Variants in AMER3 observed in about 807,000 individuals in gnomAD.
AMER3 encodes the protein APC membrane recruitment protein 3.
For synonymous variants in AMER3, 541 were observed against 485.5 expected, an observed-to-expected ratio of 1.11 and a Z score of -1.50; for missense variants, 1,201 against 1,139.4, an observed-to-expected ratio of 1.05 and a Z score of -0.78.
chr2:130,759,443 T>C (rs1678712575), intron 1 of AMER3, among the ~76,000 whole-genome samples: 2 of 152,230 alleles, frequency 1.3e-5, no homozygotes, highest in African/African-American at 4.8e-5. Context: ...GGTGAAATAA[T>C]CCTTGCTGTG....
chr2:130,760,002 G>A (rs923122224), intron 1 of AMER3, among the ~76,000 whole-genome samples: 2 of 152,196 alleles, frequency 1.3e-5, no homozygotes, highest in African/African-American at 4.8e-5. Context: ...GAGCTTCGGA[G>A]GCCTTATCAC....
chr2:130,762,147 A>G lies in AMER3; in HGVS notation c.75A>G (p.Ala25=). The change falls in exon 2 of 2, where the codon GCA becomes GCG. Residue 25 remains alanine (A), a synonymous_variant. Coordinates refer to ENST00000321420, the MANE Select transcript of AMER3 (RefSeq NM_152698.3). ...QVSHEKPPDP[A]AVAAAREGTG... Reference sequence around the variant, plus strand: ...CCCACGAGAAACCCCCAGACCCAGCAGCCGTGGCTGCAGCCAGGGAGGGGA... The same window carrying G: ...CCCACGAGAAACCCCCAGACCCAGCGGCCGTGGCTGCAGCCAGGGAGGGGA... The G allele has an allele frequency of 1.2e-6, 2 of 1,609,316 alleles. No individual in the cohort carries two copies. Among genetic ancestry groups the G allele is most frequent in the Non-Finnish European group, 8.5e-7 (1 of 1,178,196 alleles).
rs771018371 is a variant in AMER3, at chr2:130,762,728, A to C, written c.656A>C (p.Asp219Ala). The change falls in exon 2 of 2, where the codon GAC (aspartate) becomes GCC (alanine). Residue 219 changes from aspartate to alanine, a missense_variant. Asp to Ala is a moderately radical substitution (Grantham distance 126, BLOSUM62 -2). Coordinates refer to ENST00000321420, the MANE Select transcript of AMER3 (RefSeq NM_152698.3). ...GLDGLCQDLL[D>A]SELLADASFG... Reference sequence around the variant, plus strand: ...GACGGCCTGTGCCAGGACCTGTTGGACAGCGAGCTCCTGGCCGATGCATCC... The same window carrying C: ...GACGGCCTGTGCCAGGACCTGTTGGCCAGCGAGCTCCTGGCCGATGCATCC... The C allele has an allele frequency of 6.2e-7, 1 of 1,611,886 alleles. No individual in the cohort carries two copies.
At position 130,762,991 on chromosome 2, in the gene AMER3, A is replaced by C. The variant is rs1678844638; in HGVS notation, c.919A>C (p.Thr307Pro). The C allele has an allele frequency of 6.2e-7, 1 of 1,613,064 alleles. No homozygotes were observed. The highest frequency in any genetic ancestry group is 8.5e-7 in the Non-Finnish European group (1 of 1,179,946). ...SPAQNEASDF[T>P]RFWDSVNRSV... is the part of the protein sequence containing the mutation. Reference sequence around the variant, plus strand: ...CGCCCAGAATGAAGCCTCTGACTTCACCAGGTTCTGGGACAGTGTGAATCG... The same window carrying C: ...CGCCCAGAATGAAGCCTCTGACTTCCCCAGGTTCTGGGACAGTGTGAATCG... The change falls in exon 2 of 2, where the codon ACC becomes CCC. Residue 307 changes from threonine (T) to proline (P), a missense_variant. By Grantham distance (38) the Thr-to-Pro change is conservative. Transcript: ENST00000321420.
At position 130,762,381 on chromosome 2, in the gene AMER3, G is replaced by T; in HGVS notation, c.309G>T (p.Arg103Ser). 1 of 1,611,032 alleles carries T rather than the reference G, an allele frequency of 6.2e-7. No individual in the cohort carries two copies. The highest frequency in any genetic ancestry group is 8.5e-7 in the Non-Finnish European group (1 of 1,179,446). ...ACGACAGCATGTCTGGGGCAGGCAGGGCCACGGCTGCCACAGGGCAGCTGG... is the reference window on the plus strand; with the variant it reads ...ACGACAGCATGTCTGGGGCAGGCAGTGCCACGGCTGCCACAGGGCAGCTGG... ...KTHDSMSGAG[R>S]ATAATGQLVG... Residue 103 changes from arginine (R) to serine (S), a missense_variant, in exon 2 of 2, where the codon AGG becomes AGT. Arg to Ser is a moderately radical substitution (Grantham distance 110, BLOSUM62 -1). Coordinates refer to ENST00000321420, the MANE Select transcript of AMER3 (RefSeq NM_152698.3).
chr2:130,763,727 C>A lies in AMER3; in HGVS notation c.1655C>A (p.Ser552Ter). ...CTGGGGGGCAGGGAGGGCCTGGCCT[C>A]AGATGCAGGGGGGGCGACAGTTTGC... is the stretch of plus-strand genomic sequence containing the variant. ...EKLGGREGLA[S>*]DAGGATVCSA... is the part of the protein sequence containing the mutation. The change falls in exon 2 of 2, where the codon TCA becomes TAA. Residue 552 changes from serine to a stop codon, truncating the protein, a stop_gained. Coordinates refer to ENST00000321420, the MANE Select transcript of AMER3 (RefSeq NM_152698.3). LOFTEE classifies it low-confidence loss of function (END_TRUNC). 1 of 1,576,538 alleles carries A rather than the reference C, an allele frequency of 6.3e-7. No individual in the cohort carries two copies. The highest frequency in any genetic ancestry group is 8.6e-7 in the Non-Finnish European group (1 of 1,163,556).
intron 1 of AMER3, among the ~76,000 whole-genome samples, chr2:130,758,638 A>G (rs1678688894): frequency 6.6e-6 from 1 of 152,274 alleles, no homozygotes; most frequent in African/African-American, 2.4e-5. Context: ...TGGACCTTAA[A>G]GAATTTTCAA....
chr2:130,764,655 G>A lies in AMER3; in HGVS notation c.2583G>A (p.Leu861=), dbSNP rs1392631600. ...GGCCAGCCATGGCTGAGCCCCATCT[G>A]TAGGACAGGCTCACATGCACCAGGA... ...ASGPAMAEPH[L] Residue 861 remains leucine, a synonymous_variant, in exon 2 of 2, where the codon CTG becomes CTA. Transcript: ENST00000321420. The A allele has an allele frequency of 1.2e-6, 2 of 1,600,834 alleles. No homozygotes were observed. Among genetic ancestry groups the A allele is most frequent in the Non-Finnish European group, 1.7e-6 (2 of 1,175,600 alleles).
rs1280008396 is a variant in AMER3 at position 130,763,683 on chromosome 2, T to G, written c.1611T>G (p.Pro537=). 4 of 1,485,874 alleles carry G rather than the reference T, an allele frequency of 2.7e-6. No individual in the cohort carries two copies. Among genetic ancestry groups the G allele is most frequent in the Non-Finnish European group, 3.6e-6 (4 of 1,115,078 alleles). 92.0% of individuals were successfully genotyped at this position (1,485,874 alleles called of 1,614,324 possible). Residue 537 remains proline, a synonymous_variant, in exon 2 of 2, where the codon CCT becomes CCG. Coordinates refer to ENST00000321420, the MANE Select transcript of AMER3 (RefSeq NM_152698.3). ...CTCCACCTGGTTCCCAGGGAGCCCC[T>G]AGGGCACCCACAGAGAAGCTGGGGG... ...PAAPPGSQGA[P]RAPTEKLGGR...
intron 1 of AMER3, among the ~76,000 whole-genome samples, chr2:130,759,130 G>A (rs1319565391): frequency 6.6e-6 from 1 of 152,194 alleles, no homozygotes; most frequent in African/African-American, 2.4e-5. Flanking sequence ...GGATGCTCCA[G>A]TATTGCTAAG....
At position 130,765,401 on chromosome 2, in the gene AMER3, T is replaced by TG. The variant is rs1678955573; in HGVS notation, c.*744dup. The TG allele has an allele frequency of 6.0e-6, 1 of 167,048 alleles. No homozygotes were observed. The highest frequency in any genetic ancestry group is 2.4e-5 in the African/African-American group (1 of 41,472). The allele number at this position is 167,048 out of a possible 1,614,324, so 10.3% of individuals were successfully genotyped here. A position where few individuals can be genotyped will look rare whatever the true frequency, so the allele number is the denominator to read the frequency against. Reference sequence around the variant, plus strand: ...AATTGTGTGCACCTCGCTTTATACTTGCAGTCATATCATGACCAACAACCT... The same window carrying TG: ...AATTGTGTGCACCTCGCTTTATACTTGGCAGTCATATCATGACCAACAACCT... On this transcript the variant is annotated 3_prime_UTR_variant, in exon 2 of 2. Coordinates refer to ENST00000321420, the MANE Select transcript of AMER3 (RefSeq NM_152698.3).
rs1369723683 is a variant in AMER3, at chr2:130,767,014, C to G, written c.*2356C>G. 1.2e-5 allele frequency: 2 copies of G among 167,162 alleles called. No homozygotes were observed. The highest frequency in any genetic ancestry group is 4.8e-5 in the African/African-American group (2 of 41,468). 10.4% of individuals were successfully genotyped at this position (167,162 alleles called of 1,614,324 possible). On this transcript the variant is annotated 3_prime_UTR_variant, in exon 2 of 2. Coordinates refer to ENST00000321420, the MANE Select transcript of AMER3 (RefSeq NM_152698.3). ...CAAGTAACAAAGGCTTTTGACTCCA[C>G]TCCCTCCACGCTGTCAGATCGCCAT...
At chr2:130,758,005 G>A (rs995647495) in intron 1 of AMER3, among the ~76,000 whole-genome samples, 4 of 152,132 alleles carry the variant, frequency 2.6e-5, no homozygotes, top group African/African-American at 9.7e-5. Context: ...ATGGTGGCGG[G>A]TGCCTGTAGT....
At position 130,762,800 on chromosome 2, in the gene AMER3, G is replaced by T. The variant is rs1678835314; in HGVS notation, c.728G>T (p.Ser243Ile). The T allele has an allele frequency of 6.2e-7, 1 of 1,612,528 alleles. No individual in the cohort carries two copies. Among genetic ancestry groups the T allele is most frequent in the Non-Finnish European group, 8.5e-7 (1 of 1,179,334 alleles). The change falls in exon 2 of 2, where the codon AGC becomes ATC. Residue 243 changes from serine to isoleucine, a missense_variant. By Grantham distance (142) the Ser-to-Ile change is moderately radical (BLOSUM62 -2). Transcript: ENST00000321420. ...ALCEDVASLQ[S>I]FDSLTGCGEV... ...TGTGAGGACGTGGCCTCACTCCAGAGCTTCGACTCGCTCACGGGTTGTGGG... is the reference window on the plus strand; with the variant it reads ...TGTGAGGACGTGGCCTCACTCCAGATCTTCGACTCGCTCACGGGTTGTGGG...
chr2:130,756,153 C>G (rs1388182802), intron 1 of AMER3: 1 of 147,878 alleles, frequency 6.8e-6, no homozygotes, highest in African/African-American at 2.4e-5. Flanking sequence ...CACCCCTGCG[C>G]GCCAGCGCCG....
chr2:130,758,844 A>T (rs1016786243), intron 1 of AMER3, among the ~76,000 whole-genome samples: 1 of 152,248 alleles, frequency 6.6e-6, no homozygotes, highest in African/African-American at 2.4e-5. Context: ...GTTACAAAAC[A>T]GTGTGCATTT....
intron 1 of AMER3, among the ~76,000 whole-genome samples, chr2:130,759,434 G>T (rs1678712404): frequency 2.0e-5 from 3 of 152,130 alleles, no homozygotes; most frequent in Admixed American, 6.5e-5. Flanking sequence ...TCTGCACAAG[G>T]TGAAATAATC....
At position 130,768,071 on chromosome 2, in the gene AMER3, G is replaced by C. The variant is rs1324525696; in HGVS notation, c.*3413G>C. ...TGACTCAACCCCAGCCTGGGGCTTTGTGCTGCACCTGAGGGAGTAGCCGCT... is the reference window on the plus strand; with the variant it reads ...TGACTCAACCCCAGCCTGGGGCTTTCTGCTGCACCTGAGGGAGTAGCCGCT... On this transcript the variant is annotated 3_prime_UTR_variant, in exon 2 of 2. Coordinates refer to ENST00000321420, the MANE Select transcript of AMER3 (RefSeq NM_152698.3). 1 of 167,150 alleles carries C rather than the reference G, an allele frequency of 6.0e-6. No homozygotes were observed. The highest frequency in any genetic ancestry group is 2.4e-5 in the African/African-American group (1 of 41,462). 10.4% of individuals were successfully genotyped at this position (167,150 alleles called of 1,614,324 possible).
chr2:130,762,813 C>G lies in AMER3; in HGVS notation c.741C>G (p.Leu247=). The change falls in exon 2 of 2, where the codon CTC becomes CTG. Residue 247 remains leucine, a synonymous_variant. Transcript: ENST00000321420. ...CCTCACTCCAGAGCTTCGACTCGCT[C>G]ACGGGTTGTGGGGAGGTGTTCGCAG... ...DVASLQSFDS[L]TGCGEVFADE... 1.2e-6 allele frequency: 2 copies of G among 1,613,328 alleles called. No homozygotes were observed. The highest frequency in any genetic ancestry group is 2.7e-5 in the African/African-American group (2 of 75,042).
Sources: allele counts gnomAD v4.1 joint callset (sites outside exome capture counted in the v4.1 genomes callset), GRCh38; gene constraint gnomAD v4.1.1; transcripts MANE v1.5; gene names NCBI Gene and HGNC (gene_info 2026-07-23, HGNC 2026-07-21).